Variants in RPH3AL observed in about 807,000 individuals in gnomAD.
RPH3AL encodes rabphilin 3A like (without C2 domains).
A neutral mutation model predicts 43.1 loss-of-function variants in RPH3AL; 38 were observed. The ratio of observed to expected loss-of-function variants is 0.88; its 90% confidence interval spans 0.68 to 1.15. RPH3AL has a LOEUF of 1.15. Ranked by LOEUF, RPH3AL falls within the 50% of genes most tolerant of loss-of-function variation. The pLI is 0.00. For missense variants in RPH3AL, 462 were observed against 423.2 expected, an observed-to-expected ratio of 1.09 and a Z score of -0.81; for synonymous variants, 189 against 176.3, an observed-to-expected ratio of 1.07 and a Z score of -0.57.
At chr17:263,469 C>T (rs532934310) in intron 6 of RPH3AL, among the ~76,000 whole-genome samples, 1 of 152,296 alleles carries the variant, frequency 6.6e-6, no homozygotes, top group South Asian at 2.1e-4. Flanking sequence ...CAGCGGGTGA[C>T]GCGGTGGCAA....
chr17:213,617 A>T lies in RPH3AL; in HGVS notation c.*235T>A, dbSNP rs139745582. ...GGGGTGTGGGAGGGGAGGGTAATAA[A>T]TAAGGTCGGGGGCTGAGGGCAGTGG... is the stretch of plus-strand genomic sequence containing the variant. On this transcript the variant is annotated 3_prime_UTR_variant, in exon 10 of 10. Coordinates refer to ENST00000331302, the MANE Select transcript of RPH3AL (RefSeq NM_006987.4). 0.013 allele frequency: 7,565 copies of T among 583,862 alleles called. 70 individuals are homozygous for T. The highest frequency in any genetic ancestry group is 0.031 in the Middle Eastern group (69 of 2,192). 36.2% of individuals were successfully genotyped at this position (583,862 alleles called of 1,614,324 possible). A position where few individuals can be genotyped will look rare whatever the true frequency, so the allele number is the denominator to read the frequency against.
At chr17:294,915 G>C in intron 5 of RPH3AL, among the ~76,000 whole-genome samples, 1 of 58,622 alleles carries the variant, frequency 1.7e-5, no homozygotes, top group African/African-American at 7.1e-5. Flanking sequence ...ATCAGTGTGG[G>C]AGGGACAGAG....
At chr17:266,203 GGTGTGT>G (rs35841649) in intron 6 of RPH3AL, among the ~76,000 whole-genome samples, 29 of 148,616 alleles carry the variant, frequency 2.0e-4, no homozygotes, top group Admixed American at 1.8e-3. Flanking sequence ...AGGCCCCAGT[GGTGTGT>G]GTGTGTGTGT....
intron 1 of RPH3AL, among the ~76,000 whole-genome samples, chr17:350,535 G>A (rs181045467): frequency 2.0e-5 from 3 of 151,940 alleles, no homozygotes; most frequent in Admixed American, 6.6e-5. Flanking sequence ...CGCTTGAACC[G>A]AGGAGGCGGA....
intron 5 of RPH3AL, among the ~76,000 whole-genome samples, chr17:317,027 C>T (rs1206439031): frequency 3.3e-5 from 5 of 150,498 alleles, no homozygotes; most frequent in East Asian, 2.0e-4. Context: ...CTCTGTGCTC[C>T]ACCTCCACTG....
intron 5 of RPH3AL, among the ~76,000 whole-genome samples, chr17:315,695 AT>A (rs2044046064): frequency 6.6e-6 from 1 of 151,872 alleles, no homozygotes; most frequent in Non-Finnish European, 1.5e-5. Flanking sequence ...CCCCACCTCC[AT>A]TGACCTGTAG....
rs1224280968 is a variant in RPH3AL, at chr17:333,021, T to C, written c.-37+738A>G. ...GGCTCATCAGCCCCAGGCAACTTCC[T>C]GAGACAGATCGGTAAAAACAACCCC... On this transcript the variant is annotated intron_variant, in intron 2 of 9. Transcript: ENST00000331302. The surrounding 1 kb of genome is among the most constrained non-coding windows in gnomAD (Gnocchi z 4.5). 4 of 1,289,044 alleles carry C rather than the reference T, an allele frequency of 3.1e-6. No individual in the cohort carries two copies. The highest frequency in any genetic ancestry group is 1.5e-5 in the African/African-American group (1 of 65,976). 79.9% of individuals were successfully genotyped at this position (1,289,044 alleles called of 1,614,324 possible).
intron 7 of RPH3AL, among the ~76,000 whole-genome samples, chr17:243,734 T>TACCTTCCTCTATTGAC (rs2041657091): frequency 7.3e-6 from 1 of 137,450 alleles, no homozygotes; most frequent in East Asian, 2.3e-4. Flanking sequence ...CCTCTATTGA[T>TACCTTCCTCTATTGAC]TACCTTCCTC....
At chr17:298,757 T>C (rs922729960) in intron 5 of RPH3AL, among the ~76,000 whole-genome samples, 6 of 152,038 alleles carry the variant, frequency 3.9e-5, no homozygotes, top group Non-Finnish European at 8.8e-5. Context: ...GAACTTATCT[T>C]TTATCTGAAA....
At position 225,560 on chromosome 17, in the gene RPH3AL, G is replaced by A. The variant is rs549614278; in HGVS notation, c.614-5824C>T. The stretch of plus-strand genomic sequence containing the variant: ...AAGTTGTTCCCATGTTGCCCTTGGG[G>A]CAGCTACAGTGAAATTAGAGGCCTG... On this transcript the variant is annotated intron_variant, in intron 7 of 9. Transcript: ENST00000331302. The surrounding 1 kb of genome is among the most constrained non-coding windows in gnomAD (Gnocchi z 4.4). Among the ~76,000 whole-genome samples, 6 of 152,334 alleles carry A rather than the reference G, an allele frequency of 3.9e-5. No individual in the cohort carries two copies. The highest frequency in any genetic ancestry group is 1.3e-4 in the Admixed American group (2 of 15,302).
At chr17:268,990 T>C (rs887013479) in intron 6 of RPH3AL, among the ~76,000 whole-genome samples, 1 of 152,110 alleles carries the variant, frequency 6.6e-6, no homozygotes, top group African/African-American at 2.4e-5. Context: ...GCCATTCTCC[T>C]GCCTCAGCCT....
intron 2 of RPH3AL, chr17:332,941 G>A: frequency 2.7e-6 from 3 of 1,116,698 alleles, no homozygotes; most frequent in Non-Finnish European, 3.6e-6. Context: ...AGGGGTACAG[G>A]GAACGGAACA....
chr17:274,848 TG>T lies in RPH3AL; in HGVS notation c.438+6919del, dbSNP rs140340911. On this transcript the variant is annotated intron_variant, in intron 6 of 9. Coordinates refer to ENST00000331302, the MANE Select transcript of RPH3AL (RefSeq NM_006987.4). The surrounding 1 kb of genome is among the most constrained non-coding windows in gnomAD (Gnocchi z 4.7). ...GGGCTCAGGAACATAATTAGACAAT[TG>T]TTTGGTGTCTAGGAAACATAAAGAC... Among the ~76,000 whole-genome samples, 622 of 152,220 alleles carry T rather than the reference TG, an allele frequency of 4.1e-3. 3 individuals carry two copies. Among genetic ancestry groups the T allele is most frequent in the African/African-American group, 0.014 (581 of 41,510 alleles).
intron 1 of RPH3AL, among the ~76,000 whole-genome samples, chr17:334,265 A>G (rs959828708): frequency 1.3e-5 from 2 of 152,238 alleles, no homozygotes; most frequent in African/African-American, 4.8e-5. Flanking sequence ...CTCAGCAGCC[A>G]CAGCACAGTG....
At chr17:346,328 T>G (rs574236266) in intron 1 of RPH3AL, among the ~76,000 whole-genome samples, 3 of 135,224 alleles carry the variant, frequency 2.2e-5, no homozygotes, top group Admixed American at 2.1e-4. Flanking sequence ...ACGCTGCTGA[T>G]AAGGCATACC....
chr17:300,651 G>C lies in RPH3AL; in HGVS notation c.351+18769C>G, dbSNP rs1309430926. 3.4e-4 allele frequency among the ~76,000 whole-genome samples: 45 copies of C among 132,276 alleles called. 1 individual carries two copies. The highest frequency in any genetic ancestry group is 1.4e-3 in the African/African-American group (41 of 29,428). 86.8% of individuals were successfully genotyped at this position (132,276 alleles called of 152,430 possible). A position where few individuals can be genotyped will look rare whatever the true frequency, so the allele number is the denominator to read the frequency against. On this transcript the variant is annotated intron_variant, in intron 5 of 9. Coordinates refer to ENST00000331302, the MANE Select transcript of RPH3AL (RefSeq NM_006987.4). The stretch of plus-strand genomic sequence containing the variant: ...CTCTCACCCACTCTAGAAGGGGCTG[G>C]CCCAGCCTAGACCTGCAGAATCTCT...
chr17:268,553 G>GGGTT (rs374509971), intron 6 of RPH3AL, among the ~76,000 whole-genome samples: 1 of 74,518 alleles, frequency 1.3e-5, no homozygotes, highest in Non-Finnish European at 2.3e-5. Flanking sequence ...ATGTTTTTGG[G>GGGTT]TTTTTTTTTT....
chr17:338,562 G>T (rs761915157), intron 1 of RPH3AL: 2 of 152,176 alleles, frequency 1.3e-5, no homozygotes, highest in South Asian at 4.1e-4. Flanking sequence ...ATAATACGTA[G>T]GTACCTGTGG....
intron 6 of RPH3AL, among the ~76,000 whole-genome samples, chr17:270,343 G>T (rs1460171594): frequency 1.3e-5 from 2 of 152,356 alleles, no homozygotes; most frequent in Admixed American, 1.3e-4. Flanking sequence ...CAGGCCGCCT[G>T]CCCGGGAAGC....
Sources: allele counts gnomAD v4.1 joint callset (sites outside exome capture counted in the v4.1 genomes callset), GRCh38; gene constraint gnomAD v4.1.1; non-coding constraint Gnocchi (gnomAD v3.1); transcripts MANE v1.5; gene names NCBI Gene and HGNC (gene_info 2026-07-23, HGNC 2026-07-21).